RBM39: variants seen among roughly 807,000 people sequenced by gnomAD.
RBM39 encodes the protein RNA-binding protein 39.
RBM39 carries 12 observed loss-of-function variants against 79.6 expected under a neutral mutation model. The observed-to-expected ratio is 0.15, with a 90% confidence interval of 0.10 to 0.24. The LOEUF is 0.24. RBM39 is among the 10% of genes least tolerant of loss of function. RBM39 has a pLI of 1.00. For synonymous variants in RBM39, 185 were observed against 208.4 expected, an observed-to-expected ratio of 0.89 and a Z score of 0.97; for missense variants, 243 against 653.4, an observed-to-expected ratio of 0.37 and a Z score of 6.85.
rs765211612 is a variant in RBM39, at chr20:35,704,752, G to GA, written c.1414-7dup. The stretch of plus-strand genomic sequence containing the variant: ...CACTTCACATACACATTGCCCTACA[G>GA]AAAAAATGAAAAAAAAGGTAAAGAT... On this transcript the variant is annotated splice_polypyrimidine_tract_variant and splice_region_variant and intron_variant, in intron 15 of 16. Transcript: ENST00000253363. 6 of 1,600,342 alleles carry GA rather than the reference G, an allele frequency of 3.7e-6. No individual in the cohort carries two copies. Among genetic ancestry groups the GA allele is most frequent in the East Asian group, 2.2e-5 (1 of 44,792 alleles).
intron 12 of RBM39, among the ~76,000 whole-genome samples, chr20:35,709,729 G>A (rs2036163209): frequency 6.6e-6 from 1 of 152,130 alleles, no homozygotes; most frequent in South Asian, 2.1e-4. Context: ...AGCTGTAACA[G>A]TTTCCATGAT....
intron 6 of RBM39, among the ~76,000 whole-genome samples, chr20:35,725,657 C>CTTTT (rs773506913): frequency 1.6e-5 from 2 of 122,216 alleles, no homozygotes; most frequent in Non-Finnish European, 3.5e-5. Flanking sequence ...AACCCATTTT[C>CTTTT]TTTTTTTTTT....
At chr20:35,741,051 T>TTTTTTTTTTTTTTTAA in intron 1 of RBM39, among the ~76,000 whole-genome samples, 164 bp from the exon 2 acceptor site, 1 of 133,766 alleles carries the variant, frequency 7.5e-6, no homozygotes, top group South Asian at 2.5e-4. Context: ...TTTTTTTTTT[T>TTTTTTTTTTTTTTTAA]GAGACGGAGT....
At chr20:35,741,051 T>TTTTTTTA (rs367902878) in intron 1 of RBM39, among the ~76,000 whole-genome samples, 164 bp from the exon 2 acceptor site, 3 of 133,680 alleles carry the variant, frequency 2.2e-5, no homozygotes, top group African/African-American at 8.4e-5. Flanking sequence ...TTTTTTTTTT[T>TTTTTTTA]GAGACGGAGT....
chr20:35,721,897 T>C lies in RBM39; in HGVS notation c.688-20A>G, dbSNP rs2037981511. 1 of 1,610,262 alleles carries C rather than the reference T, an allele frequency of 6.2e-7. No individual in the cohort carries two copies. The highest frequency in any genetic ancestry group is 1.1e-5 in the South Asian group (1 of 91,010). On this transcript the variant is annotated intron_variant, in intron 8 of 16. Transcript: ENST00000253363. The stretch of plus-strand genomic sequence containing the variant: ...TTCTGCCTAGAAGACAAAATACACG[T>C]CACACAGAGATAACACACAGCAGTT...
intron 15 of RBM39, 39 bp from the exon 16 acceptor site, chr20:35,704,785 T>C (rs2035518048): frequency 1.4e-5 from 22 of 1,571,292 alleles, no homozygotes; most frequent in Middle Eastern, 2.2e-4. Context: ...GATGTTGCTG[T>C]ATGCAAAATG....
At chr20:35,704,942 T>C in intron 15 of RBM39, 196 bp from the exon 16 acceptor site, 1 of 601,336 alleles carries the variant, frequency 1.7e-6, no homozygotes, top group East Asian at 2.8e-5. Context: ...CCGTTTTATC[T>C]TTTCTCTACG....
intron 8 of RBM39, among the ~76,000 whole-genome samples, chr20:35,722,271 G>A (rs1447128602): frequency 2.0e-5 from 3 of 152,024 alleles, no homozygotes; most frequent in Non-Finnish European, 2.9e-5. Context: ...GCCGGGTGCG[G>A]TGGTGGGCAC....
intron 3 of RBM39, chr20:35,734,905 CT>C: frequency 1.3e-6 from 2 of 1,566,584 alleles, no homozygotes; most frequent in Non-Finnish European, 8.6e-7. Context: ...TTAAAAGGGA[CT>C]TTCCAAAGTC....
intron 13 of RBM39, chr20:35,708,775 A>G (rs2036059996): frequency 6.3e-6 from 1 of 157,802 alleles, no homozygotes; most frequent in Non-Finnish European, 1.4e-5. Context: ...TACTGGCTTA[A>G]ATAAATCACT....
intron 8 of RBM39, among the ~76,000 whole-genome samples, chr20:35,724,229 G>C (rs1440482289): frequency 6.6e-6 from 1 of 152,010 alleles, no homozygotes; most frequent in African/African-American, 2.4e-5. Context: ...CTACTCAGGA[G>C]GCTGAGGCAG....
rs911027397 is a variant in RBM39, at chr20:35,729,626, TG to T, written c.297-100del. ...GCAAGACTAACATTGTTTAGGCTAC[TG>T]CTTTTCCACCTCAGTTATGAAGAGG... On this transcript the variant is annotated intron_variant, in intron 4 of 16. Transcript: ENST00000253363. 7.5e-6 allele frequency: 8 copies of T among 1,072,828 alleles called. No individual in the cohort carries two copies. The African/African-American group carries it at 1.1e-4, about 15-fold the overall frequency. The allele number at this position is 1,072,828 out of a possible 1,614,324, so 66.5% of individuals were successfully genotyped here.
intron 9 of RBM39, among the ~76,000 whole-genome samples, chr20:35,721,081 C>T (rs2037878761): frequency 6.6e-6 from 1 of 152,042 alleles, no homozygotes; most frequent in Admixed American, 6.6e-5. Context: ...GCTGGGAACA[C>T]AGAGACGCAC....
At chr20:35,729,567 G>A in intron 4 of RBM39, 40 bp from the exon 5 acceptor site, 1 of 1,581,524 alleles carries the variant, frequency 6.3e-7, no homozygotes, top group African/African-American at 1.3e-5. Flanking sequence ...TACAGGTTTA[G>A]GGTCTTGCTA....
chr20:35,724,088 T>G (rs2038349702), intron 8 of RBM39, among the ~76,000 whole-genome samples: 1 of 151,664 alleles, frequency 6.6e-6, no homozygotes, highest in South Asian at 2.1e-4. Flanking sequence ...TCTCAGCACT[T>G]TGGAAGGCTG....
At chr20:35,704,639 A>C in intron 16 of RBM39, 29 bp downstream of exon 16, 1 of 1,612,000 alleles carries the variant, frequency 6.2e-7, no homozygotes, top group South Asian at 1.1e-5. Flanking sequence ...CCTTAATAAC[A>C]ATCAGTCAAA....
intron 3 of RBM39, chr20:35,734,550 T>C (rs904263084): frequency 4.3e-6 from 1 of 233,084 alleles, no homozygotes; most frequent in Non-Finnish European, 8.5e-6. Context: ...TGTTCTGCTC[T>C]AGATGGGCTA....
chr20:35,709,728 A>G (rs77596925), intron 12 of RBM39, among the ~76,000 whole-genome samples: 3,946 of 152,342 alleles, frequency 0.026, 55 homozygotes, highest in Non-Finnish European at 0.043. Flanking sequence ...AAGCTGTAAC[A>G]GTTTCCATGA....
intron 9 of RBM39, among the ~76,000 whole-genome samples, chr20:35,717,739 G>A (rs1336613669): frequency 1.9e-4 from 29 of 152,150 alleles, no homozygotes; most frequent in Admixed American, 1.9e-3. Context: ...TCTGTAATCC[G>A]AGCACTTTGG....
Sources: allele counts gnomAD v4.1 joint callset (sites outside exome capture counted in the v4.1 genomes callset), GRCh38; gene constraint gnomAD v4.1.1; transcripts MANE v1.5; gene names NCBI Gene and HGNC (gene_info 2026-07-23, HGNC 2026-07-21).